RFX2: variants seen among roughly 807,000 people sequenced by gnomAD.
RFX2 encodes regulatory factor X2.
A neutral mutation model predicts 87.8 loss-of-function variants in RFX2; 20 were observed. The ratio of observed to expected loss-of-function variants is 0.23; its 90% confidence interval spans 0.16 to 0.33. RFX2 has a LOEUF of 0.33. Among genes scored for constraint, RFX2 ranks in the 10% least tolerant of loss-of-function variants. The pLI, the probability that RFX2 is intolerant of heterozygous loss-of-function variation, is 1.00. For synonymous variants in RFX2, 397 were observed against 431.3 expected, an observed-to-expected ratio of 0.92 and a Z score of 0.98; for missense variants, 767 against 1,012.3, an observed-to-expected ratio of 0.76 and a Z score of 3.29.
intron 1 of RFX2, among the ~76,000 whole-genome samples, chr19:6,089,024 T>G (rs1178256336): frequency 1.3e-5 from 2 of 152,248 alleles, no homozygotes; most frequent in Non-Finnish European, 2.9e-5. Flanking sequence ...ATTCTTCTTT[T>G]GATTTTTCCA....
rs767825134 is a variant in RFX2, at chr19:5,995,002, G to A, written c.2057-52C>T. ...TCCATCATCAGGAGGGCACGAGAGG[G>A]AGAGAAGGAAGTGCACGTTCCGAGA... On this transcript the variant is annotated intron_variant, in intron 17 of 17. Coordinates refer to ENST00000303657, the MANE Select transcript of RFX2 (RefSeq NM_000635.4). 19 of 1,418,550 alleles carry A rather than the reference G, an allele frequency of 1.3e-5. No individual in the cohort carries two copies. In the South Asian group the frequency reaches 1.5e-4, roughly 11 times the overall value. 87.9% of individuals were successfully genotyped at this position (1,418,550 alleles called of 1,614,324 possible).
chr19:5,995,606 TCGAGC>T lies in RFX2; in HGVS notation c.2046_2050del (p.Leu683GlnfsTer3). ...AAAGCCGCAGACGCACCTACCTTTG[TCGAGC>T]AGCGTCAGCGACAGAGAGGCGAGAT... On this transcript the variant is annotated frameshift_variant, in exon 17 of 18. Coordinates refer to ENST00000303657, the MANE Select transcript of RFX2 (RefSeq NM_000635.4). LOFTEE classifies it high-confidence loss of function. 1 of 1,552,208 alleles carries T rather than the reference TCGAGC, an allele frequency of 6.4e-7. No individual in the cohort carries two copies. The highest frequency in any genetic ancestry group is 8.7e-7 in the Non-Finnish European group (1 of 1,147,370).
intron 1 of RFX2, among the ~76,000 whole-genome samples, chr19:6,087,081 T>C (rs1187126820): frequency 6.6e-6 from 1 of 152,168 alleles, no homozygotes; most frequent in Non-Finnish European, 1.5e-5. Context: ...CAGGCAGATC[T>C]GTGGTCTTTA....
rs771151736 is a variant in RFX2 at position 6,040,283 on chromosome 19, T to C, written c.261-42A>G. 6.7e-7 allele frequency: 1 copy of C among 1,482,262 alleles called. No individual in the cohort carries two copies. The highest frequency in any genetic ancestry group is 9.0e-7 in the Non-Finnish European group (1 of 1,110,092). The allele number at this position is 1,482,262 out of a possible 1,614,324, so 91.8% of individuals were successfully genotyped here. On this transcript the variant is annotated intron_variant, in intron 4 of 17. Transcript: ENST00000303657. This position sits in a 1 kb window ranked among gnomAD's most constrained non-coding sequence, Gnocchi z 6.1. ...AGTCACGCATGGGACGCTGTCCCAT[T>C]TAAATGCCTTGTCTGAGTTCACAGA...
chr19:6,090,261 C>A (rs1028586178), intron 1 of RFX2, among the ~76,000 whole-genome samples: 3 of 151,858 alleles, frequency 2.0e-5, no homozygotes, highest in African/African-American at 7.3e-5. Context: ...AGCCACCATG[C>A]CAGCCCAGAT....
chr19:6,086,456 G>A (rs1281556920), intron 1 of RFX2, among the ~76,000 whole-genome samples: 1 of 152,218 alleles, frequency 6.6e-6, no homozygotes, highest in African/African-American at 2.4e-5. Flanking sequence ...ACAGTGGTAA[G>A]TATTTGTATC....
Position 6,007,259 on chromosome 19 carries a change from T to C in RFX2, c.1248-93A>G. The C allele has an allele frequency of 7.3e-7, 1 of 1,362,156 alleles. No individual in the cohort carries two copies. The highest frequency in any genetic ancestry group is 2.6e-4 in the Middle Eastern group (1 of 3,840). The allele number at this position is 1,362,156 out of a possible 1,614,324, so 84.4% of individuals were successfully genotyped here. A position where few individuals can be genotyped will look rare whatever the true frequency, so the allele number is the denominator to read the frequency against. The stretch of plus-strand genomic sequence containing the variant: ...AGCAGAGAGCCGGGCTGCGGGACTT[T>C]TGCCCAACAGTGGGGCTGGGGTTTT... On this transcript the variant is annotated intron_variant, in intron 11 of 17. Transcript: ENST00000303657. The surrounding 1 kb of genome is among the most constrained non-coding windows in gnomAD (Gnocchi z 8.2).
In RFX2 at chr19:6,004,111, GCT is replaced by G; in HGVS notation, c.1500+88_1500+89del. 1.0e-6 allele frequency: 1 copy of G among 985,334 alleles called. No homozygotes were observed. Among genetic ancestry groups the G allele is most frequent in the Non-Finnish European group, 1.6e-6 (1 of 611,368 alleles). The allele number at this position is 985,334 out of a possible 1,614,324, so 61.0% of individuals were successfully genotyped here. A position where few individuals can be genotyped will look rare whatever the true frequency, so the allele number is the denominator to read the frequency against. ...CTCATGACGCAGGGAAGAAGCCAGC[GCT>G]CTCTGGGACACAGTGGTCCTCATGC... On this transcript the variant is annotated intron_variant, in intron 13 of 17. Transcript: ENST00000303657. The surrounding 1 kb of genome is among the most constrained non-coding windows in gnomAD (Gnocchi z 4.8).
In RFX2 at chr19:5,998,492, G is replaced by C. The variant is rs1007678577; in HGVS notation, c.1860-1279C>G. On this transcript the variant is annotated intron_variant, in intron 15 of 17. Transcript: ENST00000303657. This position sits in a 1 kb window ranked among gnomAD's most constrained non-coding sequence, Gnocchi z 4.2. The stretch of plus-strand genomic sequence containing the variant: ...TCTAATCGGTATCGAGCGATAAAAA[G>C]AAGACACAGGCTTGAGAAAGGCAAA... Among the ~76,000 whole-genome samples, 3 of 152,182 alleles carry C rather than the reference G, an allele frequency of 2.0e-5. No homozygotes were observed. Among genetic ancestry groups the C allele is most frequent in the Non-Finnish European group, 4.4e-5 (3 of 68,038 alleles).
rs186383588 is a variant in RFX2 at position 6,047,398 on chromosome 19, G to A, written c.90+9C>T. 30 of 1,601,242 alleles carry A rather than the reference G, an allele frequency of 1.9e-5. 1 individual carries two copies. The East Asian group carries it at 4.5e-4, about 24-fold the overall frequency. On this transcript the variant is annotated intron_variant, in intron 2 of 17. Transcript: ENST00000303657. This position sits in a 1 kb window ranked among gnomAD's most constrained non-coding sequence, Gnocchi z 4.2. The stretch of plus-strand genomic sequence containing the variant: ...GGCCACCCTGTTGTTGCTGAGAGGC[G>A]CGCGTTACCTGCGGGGAGGCTGGCA...
chr19:6,016,293 T>C lies in RFX2; in HGVS notation c.598-22A>G. 1.3e-6 allele frequency: 2 copies of C among 1,572,530 alleles called. No individual in the cohort carries two copies. Among genetic ancestry groups the C allele is most frequent in the African/African-American group, 1.4e-5 (1 of 73,736 alleles). On this transcript the variant is annotated intron_variant, in intron 6 of 17. Transcript: ENST00000303657. This position sits in a 1 kb window ranked among gnomAD's most constrained non-coding sequence, Gnocchi z 5.4. ...GGAGCTGTAAAAAGAAAGACACGTCTGCGTTTGTCAGAAGCCTGAGGAACG... is the reference window on the plus strand; with the variant it reads ...GGAGCTGTAAAAAGAAAGACACGTCCGCGTTTGTCAGAAGCCTGAGGAACG...
Position 6,039,562 on chromosome 19 carries a change from G to A in RFX2, c.522+418C>T, listed in dbSNP as rs925757360. ...CATCGGGGCATGGCAGCGAGAACTC[G>A]GCAGAGGCTGCAGGGAAACTTCCCC... On this transcript the variant is annotated intron_variant, in intron 5 of 17. Transcript: ENST00000303657. This position sits in a 1 kb window ranked among gnomAD's most constrained non-coding sequence, Gnocchi z 5.2. Among the ~76,000 whole-genome samples, 4 of 152,204 alleles carry A rather than the reference G, an allele frequency of 2.6e-5. No individual in the cohort carries two copies. Among genetic ancestry groups the A allele is most frequent in the East Asian group, 3.9e-4 (2 of 5,194 alleles).
At chr19:6,029,570 G>A (rs1486591181) in intron 5 of RFX2, among the ~76,000 whole-genome samples, 1 of 152,080 alleles carries the variant, frequency 6.6e-6, no homozygotes, top group Non-Finnish European at 1.5e-5. Flanking sequence ...TTAGCTAGGC[G>A]TGGTGGTGGG....
At position 6,013,682 on chromosome 19, in the gene RFX2, A is replaced by G. The variant is rs1050359701; in HGVS notation, c.780-577T>C. ...AGCTGGCGTGTGCCAACACACTCGG[A>G]TGGTAGAAGTGATCCTCCTGCTGCA... On this transcript the variant is annotated intron_variant, in intron 7 of 17. Coordinates refer to ENST00000303657, the MANE Select transcript of RFX2 (RefSeq NM_000635.4). This position sits in a 1 kb window ranked among gnomAD's most constrained non-coding sequence, Gnocchi z 4.1. 3.3e-5 allele frequency among the ~76,000 whole-genome samples: 5 copies of G among 151,960 alleles called. No homozygotes were observed. Among genetic ancestry groups the G allele is most frequent in the African/African-American group, 1.2e-4 (5 of 41,352 alleles).
chr19:6,015,092 T>C (rs926256685), intron 7 of RFX2, among the ~76,000 whole-genome samples: 2 of 152,040 alleles, frequency 1.3e-5, no homozygotes, highest in African/African-American at 2.4e-5. Flanking sequence ...GGGGCTGCCA[T>C]AGGCCAAGAG....
chr19:6,028,092 T>C (rs1333261871), intron 5 of RFX2, among the ~76,000 whole-genome samples: 1 of 152,130 alleles, frequency 6.6e-6, no homozygotes, highest in African/African-American at 2.4e-5. Context: ...AAATGTATTA[T>C]TTCCCTTATT....
At chr19:6,042,784 G>C (rs990404221) in intron 3 of RFX2, among the ~76,000 whole-genome samples, 2 of 152,242 alleles carry the variant, frequency 1.3e-5, no homozygotes, top group Non-Finnish European at 2.9e-5. Flanking sequence ...CATCAGTTCA[G>C]AGCCTCGGCT....
chr19:6,096,689 G>A (rs555645992), intron 1 of RFX2, among the ~76,000 whole-genome samples: 13 of 152,224 alleles, frequency 8.5e-5, no homozygotes, highest in Admixed American at 3.9e-4. Flanking sequence ...CTCGTGATCC[G>A]CCCACCTTGG....
In RFX2 at chr19:5,998,710, G is replaced by A. The variant is rs936752864; in HGVS notation, c.1860-1497C>T. Reference sequence around the variant, plus strand: ...AGCTTCCCCACAGCCCCGGTGTCTGGTGCGATGCTTCAGTCCAAAGTATTT... The same window carrying A: ...AGCTTCCCCACAGCCCCGGTGTCTGATGCGATGCTTCAGTCCAAAGTATTT... On this transcript the variant is annotated intron_variant, in intron 15 of 17. Coordinates refer to ENST00000303657, the MANE Select transcript of RFX2 (RefSeq NM_000635.4). The surrounding 1 kb of genome is among the most constrained non-coding windows in gnomAD (Gnocchi z 4.2). Among the ~76,000 whole-genome samples the A allele has an allele frequency of 1.2e-4, 18 of 152,126 alleles. No individual in the cohort carries two copies. Among genetic ancestry groups the A allele is most frequent in the African/African-American group, 4.3e-4 (18 of 41,408 alleles).
Sources: gnomAD v4.1 joint callset for allele counts (sites outside exome capture counted in the v4.1 genomes callset) on GRCh38, gnomAD v4.1.1 for gene constraint, Gnocchi (gnomAD v3.1) non-coding constraint, MANE v1.5 for transcripts, NCBI Gene and HGNC (gene_info 2026-07-23, HGNC 2026-07-21) for gene names.